Variants in TDRP observed in about 807,000 individuals in gnomAD.
TDRP encodes testis development related protein, also known as testis development-related protein.
In TDRP, 12 loss-of-function variants were observed where a neutral mutation model predicts 10.5. The ratio of observed to expected loss-of-function variants is 1.15; its 90% confidence interval spans 0.73 to 1.86. The LOEUF (loss-of-function observed/expected upper bound fraction) is 1.86. Among genes scored for constraint, TDRP ranks in the 40% most tolerant of loss-of-function variants. The pLI is 0.00. For missense variants in TDRP, 353 were observed against 229.2 expected (o/e 1.54, Z -3.49); for synonymous variants, 139 against 95.4 (o/e 1.46, Z -2.67).
At position 538,589 on chromosome 8, in the gene TDRP, T is replaced by C. The variant is rs556707557; in HGVS notation, c.108+6061A>G. On this transcript the variant is annotated intron_variant, in intron 1 of 2. Coordinates refer to ENST00000324079, the MANE Select transcript of TDRP (RefSeq NM_001384899.1). ...CAAGTGGCTCAACAAAAGGCAGAGATAGGGTGTAGATTCAATCAAGGCTCA... is the reference window on the plus strand; with the variant it reads ...CAAGTGGCTCAACAAAAGGCAGAGACAGGGTGTAGATTCAATCAAGGCTCA... Among the ~76,000 whole-genome samples the C allele has an allele frequency of 4.5e-4, 68 of 152,256 alleles. 1 individual carries two copies. The highest frequency in any genetic ancestry group is 1.2e-3 in the South Asian group (6 of 4,826).
At chr8:496,350 G>A (rs967753870) in intron 1 of TDRP, among the ~76,000 whole-genome samples, 2 of 152,174 alleles carry the variant, frequency 1.3e-5, no homozygotes, top group Non-Finnish European at 2.9e-5. Flanking sequence ...AATTCTAGAG[G>A]CTAACCCATC....
Position 492,647 on chromosome 8 carries a change from C to T in TDRP, c.310G>A (p.Asp104Asn), listed in dbSNP as rs1166977293. Residue 104 changes from aspartate (D) to asparagine (N), a missense_variant, in exon 3 of 3, where the codon GAT (aspartate) becomes AAT (asparagine). Transcript: ENST00000324079. ...GGAGGCTCCCAACCTTCAATTTCAT[C>T]TGGTTTTTTAGACTGTATATTCTGT... ...LKQNIQSKKPDEIEGWEPPKL... is the reference protein window; with the variant it reads ...LKQNIQSKKPNEIEGWEPPKL... 1 of 1,614,048 alleles carries T rather than the reference C, an allele frequency of 6.2e-7. No individual in the cohort carries two copies. Among genetic ancestry groups the T allele is most frequent in the Non-Finnish European group, 8.5e-7 (1 of 1,179,888 alleles).
chr8:500,296 T>G (rs1270663364), intron 1 of TDRP, among the ~76,000 whole-genome samples: 1 of 152,188 alleles, frequency 6.6e-6, no homozygotes, highest in African/African-American at 2.4e-5. Context: ...TCCTGTTAGG[T>G]TAAACGGCAG....
intron 1 of TDRP, among the ~76,000 whole-genome samples, chr8:507,768 G>C (rs1217851925): frequency 6.6e-6 from 1 of 152,186 alleles, no homozygotes; most frequent in South Asian, 2.1e-4. Flanking sequence ...ACCCAGAGTG[G>C]CTACAATGTA....
At chr8:541,685 C>T (rs1027840039) in intron 1 of TDRP, among the ~76,000 whole-genome samples, 4 of 152,134 alleles carry the variant, frequency 2.6e-5, no homozygotes, top group Admixed American at 2.0e-4. Context: ...ATCAGGGAAT[C>T]GCAATTCAAG....
chr8:524,035 G>C (rs958239517), intron 1 of TDRP, among the ~76,000 whole-genome samples: 9 of 152,214 alleles, frequency 5.9e-5, no homozygotes, highest in African/African-American at 2.2e-4. Context: ...AATCAGCACA[G>C]TCCCAGGGCA....
intron 1 of TDRP, among the ~76,000 whole-genome samples, chr8:516,576 C>G (rs938235599): frequency 2.0e-5 from 3 of 152,184 alleles, no homozygotes; most frequent in Non-Finnish European, 2.9e-5. Flanking sequence ...ACACACCTAT[C>G]AGAACTGACA....
At chr8:499,516 C>A in intron 1 of TDRP, among the ~76,000 whole-genome samples, 1 of 152,172 alleles carries the variant, frequency 6.6e-6, no homozygotes, top group East Asian at 1.9e-4. Context: ...TGAGCCCCTG[C>A]TCTAACATGC....
chr8:545,457 C>T (rs1022115852), upstream of TDRP, among the ~76,000 whole-genome samples: 7 of 151,388 alleles, frequency 4.6e-5, no homozygotes, highest in African/African-American at 1.7e-4. Flanking sequence ...CTCCCCCCAC[C>T]CTTTCCCAGA....
At position 492,177 on chromosome 8, in the gene TDRP, A is replaced by G; in HGVS notation, c.*222T>C. On this transcript the variant is annotated 3_prime_UTR_variant, in exon 3 of 3. Coordinates refer to ENST00000324079, the MANE Select transcript of TDRP (RefSeq NM_001384899.1). ...CTGCAAAACATGGACTGATAGGTGAATATTTCTGCAATAAGGCAATCAAAT... is the reference window on the plus strand; with the variant it reads ...CTGCAAAACATGGACTGATAGGTGAGTATTTCTGCAATAAGGCAATCAAAT... 2.4e-6 allele frequency: 3 copies of G among 1,260,402 alleles called. No homozygotes were observed. Among genetic ancestry groups the G allele is most frequent in the South Asian group, 7.4e-5 (2 of 27,106 alleles). 78.1% of individuals were successfully genotyped at this position (1,260,402 alleles called of 1,614,324 possible).
chr8:492,988 T>G (rs1801023545), intron 2 of TDRP, among the ~76,000 whole-genome samples: 1 of 152,164 alleles, frequency 6.6e-6, no homozygotes, highest in South Asian at 2.1e-4. Flanking sequence ...GAACTAGTTC[T>G]GACAAGAAAG....
In TDRP at chr8:512,844, T is replaced by G. The variant is rs1801654699; in HGVS notation, c.109-18247A>C. 2.0e-5 allele frequency among the ~76,000 whole-genome samples: 3 copies of G among 152,000 alleles called. No homozygotes were observed. The South Asian group carries it at 6.2e-4, about 32-fold the overall frequency. ...AAAATTAGCTGGGCATGGTGGCATGTGCCTGTAATCCCAGCTACTCAGGAG... is the reference window on the plus strand; with the variant it reads ...AAAATTAGCTGGGCATGGTGGCATGGGCCTGTAATCCCAGCTACTCAGGAG... On this transcript the variant is annotated intron_variant, in intron 1 of 2. Coordinates refer to ENST00000324079, the MANE Select transcript of TDRP (RefSeq NM_001384899.1).
chr8:544,175 A>C (rs917121456), intron 1 of TDRP, among the ~76,000 whole-genome samples: 1 of 152,278 alleles, frequency 6.6e-6, no homozygotes, highest in African/African-American at 2.4e-5. Context: ...AAAGCTGCTT[A>C]GTGTCCGCGA....
chr8:503,779 C>T (rs1041717254), intron 1 of TDRP, among the ~76,000 whole-genome samples: 2 of 144,020 alleles, frequency 1.4e-5, no homozygotes, highest in African/African-American at 4.9e-5. Context: ...TCCAGAGCCA[C>T]ACACTGGAAC....
At chr8:545,463 C>G (rs967802326), upstream of TDRP, among the ~76,000 whole-genome samples, 3 of 151,300 alleles carry the variant, frequency 2.0e-5, no homozygotes, top group Non-Finnish European at 4.4e-5. Context: ...CCACCCTTTC[C>G]CAGACCCTGG....
intron 1 of TDRP, among the ~76,000 whole-genome samples, chr8:513,437 T>G (rs1028322739): frequency 6.6e-6 from 1 of 152,132 alleles, no homozygotes; most frequent in Non-Finnish European, 1.5e-5. Context: ...GAAAAAACAT[T>G]TGGCAAAATC....
At chr8:503,728 C>A (rs952940434) in intron 1 of TDRP, among the ~76,000 whole-genome samples, 1 of 149,204 alleles carries the variant, frequency 6.7e-6, no homozygotes, top group Admixed American at 6.7e-5. Flanking sequence ...CAGAGCTACA[C>A]ATCAGAACCC....
chr8:505,598 C>T (rs1801438498), intron 1 of TDRP, among the ~76,000 whole-genome samples: 1 of 152,184 alleles, frequency 6.6e-6, no homozygotes, highest in Admixed American at 6.5e-5. Context: ...CCAGCCATTT[C>T]CCATGAAGGC....
intron 1 of TDRP, among the ~76,000 whole-genome samples, chr8:499,281 G>C (rs1025532288): frequency 6.6e-6 from 1 of 152,122 alleles, no homozygotes; most frequent in East Asian, 1.9e-4. Flanking sequence ...ACCCAGGCTG[G>C]TGGCCTGGCC....
Sources: allele counts gnomAD v4.1 joint callset (sites outside exome capture counted in the v4.1 genomes callset), GRCh38; gene constraint gnomAD v4.1.1; transcripts MANE v1.5; gene names NCBI Gene and HGNC (gene_info 2026-07-23, HGNC 2026-07-21).